ZNF529: variants seen among roughly 807,000 people sequenced by gnomAD.
ZNF529 encodes the protein zinc finger protein 529.
ZNF529 carries 11 observed loss-of-function variants against 10.1 expected under a neutral mutation model. The observed-to-expected ratio is 1.09, with a 90% CI of 0.69 to 1.81. The LOEUF (loss-of-function observed/expected upper bound fraction) is 1.81. Among genes scored for constraint, ZNF529 ranks in the 40% most tolerant of loss-of-function variants. ZNF529 has a pLI of 0.00. For synonymous variants in ZNF529, 204 were observed against 215.7 expected (o/e 0.95, Z 0.47); for missense variants, 624 against 666.8 (o/e 0.94, Z 0.71).
At chr19:36,595,826 A>G (rs1447585919) in intron 1 of ZNF529, among the ~76,000 whole-genome samples, 1 of 152,164 alleles carries the variant, frequency 6.6e-6, no homozygotes, top group Non-Finnish European at 1.5e-5. Flanking sequence ...GAGATAGCAT[A>G]TATCTACATT....
chr19:36,603,217 C>T lies in ZNF529; in HGVS notation c.-128+1909G>A, dbSNP rs184680807. ...TTCTACCTAAGCAATTGGTCTCCTC[C>T]GTAACAAATCACCGTGTGAAGGCAG... On this transcript the variant is annotated intron_variant, in intron 1 of 4. Transcript: ENST00000585960. Among the ~76,000 whole-genome samples, 40 of 152,288 alleles carry T rather than the reference C, an allele frequency of 2.6e-4. No individual in the cohort carries two copies. The East Asian group carries it at 7.1e-3, about 27-fold the overall frequency.
chr19:36,570,048 A>G (rs1188914983), intron 2 of ZNF529, among the ~76,000 whole-genome samples: 1 of 152,162 alleles, frequency 6.6e-6, no homozygotes, highest in Non-Finnish European at 1.5e-5. Flanking sequence ...TCATGCCCAC[A>G]TGACTGATCG....
In ZNF529 at chr19:36,548,342, A is replaced by T; in HGVS notation, c.236-20T>A. 2 of 1,494,386 alleles carry T rather than the reference A, an allele frequency of 1.3e-6. No individual in the cohort carries two copies. The highest frequency in any genetic ancestry group is 2.7e-5 in the South Asian group (2 of 75,064). 92.6% of individuals were successfully genotyped at this position (1,494,386 alleles called of 1,614,324 possible). A position where few individuals can be genotyped will look rare whatever the true frequency, so the allele number is the denominator to read the frequency against. ...CCAAATCTGAAAGAAAGGAAAAAAT[A>T]ATTTTCATGTACTACAAAAATAAAA... On this transcript the variant is annotated intron_variant, in intron 4 of 4. Transcript: ENST00000591340.
chr19:36,561,666 C>G (rs2035702256), intron 2 of ZNF529, among the ~76,000 whole-genome samples: 2 of 152,138 alleles, frequency 1.3e-5, no homozygotes, highest in South Asian at 4.1e-4. Context: ...ACCTGTAGAG[C>G]CAGCAGCATG....
intron 4 of ZNF529, among the ~76,000 whole-genome samples, chr19:36,553,739 A>G (rs1466611424): frequency 6.6e-6 from 1 of 152,228 alleles, no homozygotes; most frequent in African/African-American, 2.4e-5. Context: ...ATTTATAGCA[A>G]TTCTGACCTC....
intron 1 of ZNF529, among the ~76,000 whole-genome samples, chr19:36,602,778 A>G (rs924488075): frequency 3.3e-5 from 5 of 152,048 alleles, no homozygotes; most frequent in African/African-American, 9.7e-5. Context: ...TAAAAATACA[A>G]AACTAGCCAG....
intron 3 of ZNF529, among the ~76,000 whole-genome samples, chr19:36,555,322 T>C (rs2035425705): frequency 3.9e-5 from 1 of 25,440 alleles, no homozygotes; most frequent in Non-Finnish European, 7.6e-5. Flanking sequence ...AGTCTCGCTC[T>C]GTCGCCCAGG....
rs572900353 is a variant in ZNF529, at chr19:36,582,860, A to T, written c.-41+6755T>A. ...GCATAATTAATAAAATAGAAAACAC[A>T]AATTGCCCATGTCAGGAATAAAAAT... On this transcript the variant is annotated intron_variant, in intron 2 of 4. Transcript: ENST00000585960. Among the ~76,000 whole-genome samples the T allele has an allele frequency of 2.0e-5, 3 of 152,266 alleles. No homozygotes were observed. In the East Asian group the frequency reaches 5.8e-4, roughly 29 times the overall value.
In ZNF529 at chr19:36,547,179, C is replaced by T. The variant is rs749285886; in HGVS notation, c.1379G>A (p.Arg460Lys). 9 of 1,613,142 alleles carry T rather than the reference C, an allele frequency of 5.6e-6. No homozygotes were observed. The highest frequency in any genetic ancestry group is 6.8e-6 in the Non-Finnish European group (8 of 1,179,404). Reference sequence around the variant, plus strand: ...ATGTTGAATAAGGGCTGACGTAAGTCTAAAGAACTTTCCACACTCCTTACA... The same window carrying T: ...ATGTTGAATAAGGGCTGACGTAAGTTTAAAGAACTTTCCACACTCCTTACA... ...YECKECGKFF[R>K]LTSALIQHQR... is the part of the protein sequence containing the mutation. Residue 460 changes from arginine to lysine, a missense_variant, in exon 5 of 5, where the codon AGA becomes AAA. Coordinates refer to ENST00000591340, the MANE Select transcript of ZNF529 (RefSeq NM_020951.5).
intron 1 of ZNF529, among the ~76,000 whole-genome samples, chr19:36,589,983 A>C (rs546738580): frequency 6.6e-6 from 1 of 152,242 alleles, no homozygotes; most frequent in African/African-American, 2.4e-5. Flanking sequence ...TTTGGAAATT[A>C]AACACACTTC....
At chr19:36,598,943 T>A (rs1217659655) in intron 1 of ZNF529, among the ~76,000 whole-genome samples, 8 of 152,212 alleles carry the variant, frequency 5.3e-5, no homozygotes, top group Admixed American at 2.0e-4. Context: ...ATGTAATTAG[T>A]CTTCACTAAC....
chr19:36,591,343 A>C (rs1467025223), intron 1 of ZNF529, among the ~76,000 whole-genome samples: 1 of 151,884 alleles, frequency 6.6e-6, no homozygotes, highest in Non-Finnish European at 1.5e-5. Flanking sequence ...AAGTCAACAA[A>C]TTTGAGAATT....
intron 2 of ZNF529, among the ~76,000 whole-genome samples, chr19:36,584,176 C>G (rs890433884): frequency 1.3e-5 from 2 of 151,908 alleles, no homozygotes; most frequent in African/African-American, 4.8e-5. Context: ...TGATTGGGCA[C>G]AAGATGTCAG....
At chr19:36,573,379 A>C (rs546636847), upstream of ZNF529, 42 of 462,370 alleles carry the variant, frequency 9.1e-5, no homozygotes, top group Admixed American at 9.6e-4. Context: ...AGAGCCCTGA[A>C]GCTCAAGCGG....
At position 36,547,643 on chromosome 19, in the gene ZNF529, A is replaced by G; in HGVS notation, c.915T>C (p.Thr305=). The part of the protein sequence containing the change: ...AQLTRHQKIH[T]DEKTYKCMEC... ...CCATACATTTGTAAGTTTTCTCATC[A>G]GTATGGATTTTCTGATGTCGAGTAA... The change falls in exon 5 of 5, where the codon ACT becomes ACC. Residue 305 remains threonine (T), a synonymous_variant. Transcript: ENST00000591340. 6.2e-7 allele frequency: 1 copy of G among 1,613,810 alleles called. No homozygotes were observed.
intron 2 of ZNF529, among the ~76,000 whole-genome samples, chr19:36,570,246 AGCTACTTG>A (rs1437434559): frequency 6.6e-6 from 1 of 151,398 alleles, no homozygotes; most frequent in African/African-American, 2.4e-5. Context: ...CTGTAGTCCT[AGCTACTTG>A]GGAGACTGAG....
At chr19:36,554,372 T>A (rs557193362) in intron 4 of ZNF529, among the ~76,000 whole-genome samples, 2 of 151,362 alleles carry the variant, frequency 1.3e-5, no homozygotes, top group East Asian at 3.9e-4. Context: ...AGGTCAGGAG[T>A]TCAAGACCAG....
At chr19:36,554,039 A>G (rs959658681) in intron 4 of ZNF529, among the ~76,000 whole-genome samples, 1 of 152,204 alleles carries the variant, frequency 6.6e-6, no homozygotes, top group Non-Finnish European at 1.5e-5. Flanking sequence ...AAAAAATCCC[A>G]AATCCAAAAC....
chr19:36,573,022 A>G (rs2036197824), intron 1 of ZNF529, 118 bp downstream of exon 1: 1 of 168,814 alleles, frequency 5.9e-6, no homozygotes, highest in African/African-American at 2.4e-5. Flanking sequence ...GGGTCACACG[A>G]TAGACCCCGC....
Sources: gnomAD v4.1 joint callset for allele counts (sites outside exome capture counted in the v4.1 genomes callset) on GRCh38, gnomAD v4.1.1 for gene constraint, MANE v1.5 for transcripts, NCBI Gene and HGNC (gene_info 2026-07-23, HGNC 2026-07-21) for gene names.